GLRA1: variants seen among roughly 807,000 people sequenced by gnomAD.
GLRA1 encodes the protein glycine receptor subunit alpha-1.
GLRA1 carries 37 observed loss-of-function variants against 48.3 expected under a neutral mutation model. The observed-to-expected ratio is 0.77, with a 90% CI of 0.59 to 1.01. GLRA1 has a LOEUF of 1.01. Among genes scored for constraint, GLRA1 ranks in the 50% least tolerant of loss-of-function variants. GLRA1 has a pLI of 0.00. For missense variants in GLRA1, 427 were observed against 571.0 expected, an observed-to-expected ratio of 0.75 and a Z score of 2.57; for synonymous variants, 196 against 210.7, an observed-to-expected ratio of 0.93 and a Z score of 0.60.
intron 2 of GLRA1, among the ~76,000 whole-genome samples, chr5:151,887,130 A>G (rs189229649): frequency 1.3e-5 from 2 of 152,186 alleles, no homozygotes; most frequent in South Asian, 2.1e-4. Context: ...TGGCTGAAAT[A>G]TATTTATGTC....
Position 151,822,807 on chromosome 5 carries a change from T to C in GLRA1, c.1216A>G (p.Lys406Glu), listed in dbSNP as rs1763172531. The C allele has an allele frequency of 6.2e-7, 1 of 1,614,126 alleles. No individual in the cohort carries two copies. The highest frequency in any genetic ancestry group is 8.5e-7 in the Non-Finnish European group (1 of 1,180,004). ...APSKSPEEMR[K>E]LFIQRAKKID... The stretch of plus-strand genomic sequence containing the variant: ...TTCTTGGCCCTCTGGATGAAGAGTT[T>C]TCGCATCTCCTCTGGGGACTTAGAT... The change falls in exon 9 of 9, where the codon AAA becomes GAA. Residue 406 changes from lysine (K) to glutamate (E), a missense_variant. Around this residue, in one of 4 missense-constraint regions of GLRA1, gnomAD observed 121 missense variants for 96.5 expected, o/e 1.25. Coordinates refer to ENST00000274576, the MANE Select transcript of GLRA1 (RefSeq NM_000171.4).
Position 151,822,727 on chromosome 5 carries a change from C to G in GLRA1, c.1296G>C (p.Met432Ile), listed in dbSNP as rs141039714. ...GFPMAFLIFN[M>I]FYWIIYKIVR... is the part of the protein sequence containing the mutation. Reference sequence around the variant, plus strand: ...CAATCTTGTAGATGATCCAGTAGAACATGTTGAAAATGAGGAAGGCCATGG... The same window carrying G: ...CAATCTTGTAGATGATCCAGTAGAAGATGTTGAAAATGAGGAAGGCCATGG... Residue 432 changes from methionine to isoleucine, a missense_variant, in exon 9 of 9, where the codon ATG becomes ATC. Met to Ile is a conservative substitution (Grantham distance 10). This residue lies in a region of GLRA1 where 121 missense variants were observed against 96.5 expected (regional missense o/e 1.25). Transcript: ENST00000274576. 1 of 1,613,896 alleles carries G rather than the reference C, an allele frequency of 6.2e-7. No individual in the cohort carries two copies. The highest frequency in any genetic ancestry group is 8.5e-7 in the Non-Finnish European group (1 of 1,179,838).
At chr5:151,918,763 C>T (rs767442231) in intron 1 of GLRA1, among the ~76,000 whole-genome samples, 4 of 152,136 alleles carry the variant, frequency 2.6e-5, no homozygotes, top group Non-Finnish European at 4.4e-5. Context: ...GGGAGGTGGA[C>T]GTCCAGTCTC....
chr5:151,833,422 A>G (rs1763475366), intron 7 of GLRA1, among the ~76,000 whole-genome samples: 1 of 152,190 alleles, frequency 6.6e-6, no homozygotes, highest in South Asian at 2.1e-4. Context: ...GTGCAAAGAC[A>G]CATATAGGCT....
rs111786064 is a variant in GLRA1, at chr5:151,866,533, T to C, written c.253-6525A>G. On this transcript the variant is annotated intron_variant, in intron 3 of 8. Transcript: ENST00000274576. ...ATGTGGAATGCAAGAGGTGGGCCCATTGCAGTCAGAACCAAGAGACATTGC... is the reference window on the plus strand; with the variant it reads ...ATGTGGAATGCAAGAGGTGGGCCCACTGCAGTCAGAACCAAGAGACATTGC... Among the ~76,000 whole-genome samples, 871 of 152,272 alleles carry C rather than the reference T, an allele frequency of 5.7e-3. 12 individuals carry two copies. Among genetic ancestry groups the C allele is most frequent in the African/African-American group, 0.02 (842 of 41,560 alleles).
At chr5:151,914,573 A>G (rs371516771) in intron 1 of GLRA1, among the ~76,000 whole-genome samples, 4 of 152,186 alleles carry the variant, frequency 2.6e-5, no homozygotes, top group African/African-American at 9.7e-5. Context: ...TTCTTGGGCC[A>G]GAGACTATGC....
chr5:151,847,795 G>T (rs1056514801), intron 7 of GLRA1, among the ~76,000 whole-genome samples: 16 of 152,136 alleles, frequency 1.1e-4, no homozygotes, highest in African/African-American at 3.9e-4. Context: ...ACAGAAGGTT[G>T]TATTGATCGT....
chr5:151,830,740 A>G (rs1763401324), intron 7 of GLRA1, among the ~76,000 whole-genome samples: 1 of 152,228 alleles, frequency 6.6e-6, no homozygotes, highest in African/African-American at 2.4e-5. Context: ...TACGAACTTT[A>G]CGGAATTAAT....
rs552849087 is a variant in GLRA1 at position 151,923,290 on chromosome 5, C to G, written c.56+1204G>C. The stretch of plus-strand genomic sequence containing the variant: ...GGGAGGTGTCATTTAATAAACCAGC[C>G]AACAGATTAGTCAAATCAGCAATTC... On this transcript the variant is annotated intron_variant, in intron 1 of 8. Coordinates refer to ENST00000274576, the MANE Select transcript of GLRA1 (RefSeq NM_000171.4). Among the ~76,000 whole-genome samples, 6 of 152,280 alleles carry G rather than the reference C, an allele frequency of 3.9e-5. No homozygotes were observed. The South Asian group carries it at 1.2e-3, about 32-fold the overall frequency.
chr5:151,835,956 C>A (rs1763568305), intron 7 of GLRA1, among the ~76,000 whole-genome samples: 1 of 152,106 alleles, frequency 6.6e-6, no homozygotes, highest in Admixed American at 6.5e-5. Context: ...GAAGTGCTGG[C>A]CAGGGCAGTC....
chr5:151,839,686 T>A (rs960954169), intron 7 of GLRA1, among the ~76,000 whole-genome samples: 1 of 152,106 alleles, frequency 6.6e-6, no homozygotes, highest in African/African-American at 2.4e-5. Context: ...AGGTGAGATC[T>A]TTAGGGTGAG....
At chr5:151,881,492 A>ATTTTTTTTTT in intron 3 of GLRA1, among the ~76,000 whole-genome samples, 1 of 116,858 alleles carries the variant, frequency 8.6e-6, no homozygotes, top group Non-Finnish European at 1.7e-5. Context: ...ATGCCCTGCA[A>ATTTTTTTTTT]TTTTTTTTTT....
At chr5:151,835,762 C>G (rs74615433) in intron 7 of GLRA1, among the ~76,000 whole-genome samples, 1 of 152,178 alleles carries the variant, frequency 6.6e-6, no homozygotes, top group African/African-American at 2.4e-5. Flanking sequence ...TTCCACACCC[C>G]TTCATGCTAA....
In GLRA1 at chr5:151,924,802, G is replaced by A. The variant is rs1279347843; in HGVS notation, c.-253C>T. The A allele has an allele frequency of 7.2e-6, 4 of 554,320 alleles. No individual in the cohort carries two copies. The highest frequency in any genetic ancestry group is 1.9e-5 in the African/African-American group (1 of 52,584). 34.3% of individuals were successfully genotyped at this position (554,320 alleles called of 1,614,324 possible). On this transcript the variant is annotated 5_prime_UTR_variant, in exon 1 of 9. Transcript: ENST00000274576. ...GACCTGCTTTTCAGGAGCGCGAAGA[G>A]TATTGCTGTTTGTTAAACTCCAGCG... is the stretch of plus-strand genomic sequence containing the variant.
At chr5:151,898,924 G>T (rs1009053342) in intron 1 of GLRA1, among the ~76,000 whole-genome samples, 5 of 152,298 alleles carry the variant, frequency 3.3e-5, no homozygotes, top group Admixed American at 1.3e-4. Context: ...TATGGAGTTG[G>T]CCTGGAAAAA....
intron 3 of GLRA1, among the ~76,000 whole-genome samples, chr5:151,874,322 G>A (rs1356139655): frequency 6.6e-6 from 1 of 152,144 alleles, no homozygotes; most frequent in East Asian, 1.9e-4. Flanking sequence ...GGGTTCAATG[G>A]AAACCCAAAT....
intron 2 of GLRA1, among the ~76,000 whole-genome samples, chr5:151,889,700 T>G (rs757199096): frequency 6.6e-6 from 1 of 152,134 alleles, no homozygotes; most frequent in African/African-American, 2.4e-5. Context: ...ATAGGGGCCC[T>G]GATCCTCAAT....
At chr5:151,887,794 T>G (rs1253941486) in intron 2 of GLRA1, among the ~76,000 whole-genome samples, 2 of 152,062 alleles carry the variant, frequency 1.3e-5, no homozygotes, top group Non-Finnish European at 2.9e-5. Context: ...AGGGCTGACA[T>G]AAAATAACCA....
intron 7 of GLRA1, chr5:151,850,005 G>T (rs1361445689): frequency 6.2e-7 from 1 of 1,602,324 alleles, no homozygotes; most frequent in East Asian, 2.2e-5. Context: ...AGCCTGCAGT[G>T]ACCAATTTGA....
Sources: gnomAD v4.1 joint callset for allele counts (sites outside exome capture counted in the v4.1 genomes callset) on GRCh38, gnomAD v4.1.1 for gene constraint, gnomAD v4.1.1 regional missense constraint, MANE v1.5 for transcripts, NCBI Gene and HGNC (gene_info 2026-07-23, HGNC 2026-07-21) for gene names.